The following CTNNA2 variants were observed in gnomAD, a reference collection of about 807,000 sequenced individuals.
CTNNA2 encodes the protein catenin alpha-2.
In CTNNA2, 42 loss-of-function variants were observed where a neutral mutation model predicts 101.0. That is an observed-to-expected ratio of 0.42 (90% CI 0.32 to 0.54). The LOEUF (loss-of-function observed/expected upper bound fraction) is 0.54, where lower values mean the gene tolerates loss of function less well. Among genes scored for constraint, CTNNA2 ranks in the 20% least tolerant of loss-of-function variants. The pLI is 0.14. For synonymous variants in CTNNA2, 450 were observed against 456.4 expected (o/e 0.99, Z 0.18); for missense variants, 871 against 1,223.1 (o/e 0.71, Z 4.29).
chr2:80,201,811 G>C (rs1707231905), intron 7 of CTNNA2, among the ~76,000 whole-genome samples: 1 of 152,032 alleles, frequency 6.6e-6, no homozygotes, highest in South Asian at 2.1e-4. Flanking sequence ...AGATGTTTTT[G>C]CCTAGTTGTT....
At chr2:80,133,048 G>A (rs1468389951) in intron 7 of CTNNA2, among the ~76,000 whole-genome samples, 2 of 152,150 alleles carry the variant, frequency 1.3e-5, no homozygotes, top group African/African-American at 4.8e-5. Flanking sequence ...TTAAGATGAG[G>A]TCATTAGATG....
chr2:80,258,079 T>C (rs1389985103), intron 7 of CTNNA2, among the ~76,000 whole-genome samples: 1 of 152,192 alleles, frequency 6.6e-6, no homozygotes, highest in Non-Finnish European at 1.5e-5. Context: ...GTTTTAACAA[T>C]CTAACATTTC....
At chr2:79,324,804 C>T (rs771373139) in intron 3 of CTNNA2, among the ~76,000 whole-genome samples, 7 of 152,000 alleles carry the variant, frequency 4.6e-5, no homozygotes, top group Non-Finnish European at 1.0e-4. Flanking sequence ...TTGAATGGTT[C>T]GTGCCCAGAA....
At chr2:80,064,763 G>T (rs1018852244) in intron 7 of CTNNA2, among the ~76,000 whole-genome samples, 4 of 152,196 alleles carry the variant, frequency 2.6e-5, no homozygotes, top group Non-Finnish European at 5.9e-5. Flanking sequence ...GCCTCTGTTT[G>T]TATTATGTTT....
At chr2:79,349,506 C>T (rs544908491) in intron 3 of CTNNA2, among the ~76,000 whole-genome samples, 5 of 152,178 alleles carry the variant, frequency 3.3e-5, no homozygotes, top group Non-Finnish European at 5.9e-5. Context: ...GAAACACAAA[C>T]TATTCTGATT....
chr2:79,212,823 C>A (rs1343679699), intron 2 of CTNNA2, among the ~76,000 whole-genome samples: 1 of 152,112 alleles, frequency 6.6e-6, no homozygotes, highest in African/African-American at 2.4e-5. Context: ...CAGTCCTGGG[C>A]AGGGGCAAAT....
chr2:79,271,199 C>T (rs562942861), intron 2 of CTNNA2, among the ~76,000 whole-genome samples: 1 of 152,048 alleles, frequency 6.6e-6, no homozygotes, highest in African/African-American at 2.4e-5. Context: ...AATTGCTTTT[C>T]AATTTTTTTG....
chr2:79,925,986 A>G (rs180679864), intron 7 of CTNNA2, among the ~76,000 whole-genome samples: 1 of 152,240 alleles, frequency 6.6e-6, no homozygotes, highest in Admixed American at 6.6e-5. Flanking sequence ...TCTGAAGATT[A>G]CGATAGAATA....
intron 4 of CTNNA2, among the ~76,000 whole-genome samples, chr2:79,385,695 C>A (rs182246248): frequency 1.3e-5 from 2 of 151,910 alleles, no homozygotes; most frequent in East Asian, 3.9e-4. Flanking sequence ...CCCACCACCC[C>A]CCAACAGGCC....
intron 18 of CTNNA2, among the ~76,000 whole-genome samples, chr2:80,639,626 A>C (rs1245135968): frequency 6.6e-6 from 1 of 152,008 alleles, no homozygotes; most frequent in Non-Finnish European, 1.5e-5. Context: ...TATGCAACCA[A>C]TTTTTATCAC....
At chr2:80,047,032 G>A (rs1011453413) in intron 7 of CTNNA2, among the ~76,000 whole-genome samples, 1 of 152,036 alleles carries the variant, frequency 6.6e-6, no homozygotes, top group Non-Finnish European at 1.5e-5. Flanking sequence ...CCCCAGTTGC[G>A]ATACCTGAAA....
intron 3 of CTNNA2, among the ~76,000 whole-genome samples, chr2:79,326,254 AG>A (rs1363416894): frequency 6.6e-6 from 1 of 151,708 alleles, no homozygotes; most frequent in Non-Finnish European, 1.5e-5. Context: ...TAAAGCGCTA[AG>A]GGAACATCAT....
intron 7 of CTNNA2, among the ~76,000 whole-genome samples, chr2:80,337,354 C>CA (rs199931343): frequency 0.12 from 16,821 of 145,838 alleles, 1,097 homozygotes; most frequent in Middle Eastern, 0.24. Flanking sequence ...GACTCTGTCT[C>CA]AAAAAAAAAC....
At chr2:80,494,483 G>A (rs915485392) in intron 9 of CTNNA2, among the ~76,000 whole-genome samples, 3 of 152,018 alleles carry the variant, frequency 2.0e-5, no homozygotes, top group African/African-American at 7.2e-5. Context: ...GATGCATGGT[G>A]GGGGGGACTA....
Position 80,626,982 on chromosome 2 carries a change from T to C in CTNNA2, c.2574+7754T>C, listed in dbSNP as rs1364668583. On this transcript the variant is annotated intron_variant, in intron 18 of 18. Coordinates refer to ENST00000402739, the MANE Select transcript of CTNNA2 (RefSeq NM_001282597.3). ...TGCGGTGTTTGGTTTTCTGTTCTTG[T>C]GTTAGTTTGCTGAGAATGATGGTTT... Among the ~76,000 whole-genome samples, 3 of 152,122 alleles carry C rather than the reference T, an allele frequency of 2.0e-5. No individual in the cohort carries two copies. In the East Asian group the frequency reaches 5.8e-4, roughly 30 times the overall value.
At chr2:79,194,321 C>T (rs914978157) in intron 1 of CTNNA2, among the ~76,000 whole-genome samples, 2 of 152,136 alleles carry the variant, frequency 1.3e-5, no homozygotes, top group African/African-American at 4.8e-5. Context: ...CAAGAAGGTG[C>T]ATCTACCAAG....
chr2:80,261,785 A>G (rs1672627714), intron 7 of CTNNA2, among the ~76,000 whole-genome samples: 1 of 152,204 alleles, frequency 6.6e-6, no homozygotes, highest in Admixed American at 6.5e-5. Flanking sequence ...GAATATTTGT[A>G]GCCATTTATT....
At chr2:79,991,060 G>A (rs1422368115) in intron 7 of CTNNA2, among the ~76,000 whole-genome samples, 8 of 152,232 alleles carry the variant, frequency 5.3e-5, no homozygotes, top group Non-Finnish European at 8.8e-5. Context: ...GTTTATTTGC[G>A]TATAGGTGTT....
intron 7 of CTNNA2, among the ~76,000 whole-genome samples, chr2:80,372,075 A>G (rs1675493240): frequency 6.6e-6 from 1 of 152,142 alleles, no homozygotes; most frequent in Non-Finnish European, 1.5e-5. Flanking sequence ...CTATGCAAGG[A>G]CAATATAAGA....
Sources: allele counts gnomAD v4.1 joint callset (sites outside exome capture counted in the v4.1 genomes callset), GRCh38; gene constraint gnomAD v4.1.1; transcripts MANE v1.5; gene names NCBI Gene and HGNC (gene_info 2026-07-23, HGNC 2026-07-21).